Variants in EFR3A observed in about 807,000 individuals in gnomAD.
EFR3A encodes the protein EFR3 homolog A, also known as protein EFR3 homolog A.
A neutral mutation model predicts 104.4 loss-of-function variants in EFR3A; 76 were observed. The ratio of observed to expected loss-of-function variants is 0.73; its 90% CI spans 0.60 to 0.88. EFR3A has a LOEUF of 0.88. EFR3A is among the 40% of genes least tolerant of loss of function. The probability of loss-of-function intolerance (pLI) is 0.00; values close to 1 mark genes in which losing one functional copy is unlikely to be tolerated. For synonymous variants in EFR3A, 330 were observed against 330.0 expected (o/e 1.00, Z 0.00); for missense variants, 985 against 1,012.5 (o/e 0.97, Z 0.37).
intron 1 of EFR3A, among the ~76,000 whole-genome samples, chr8:131,928,052 G>T (rs1342458711): frequency 1.3e-5 from 2 of 152,052 alleles, no homozygotes; most frequent in South Asian, 2.1e-4. Context: ...ATAATTTTTT[G>T]AATTTTAGTC....
chr8:131,957,822 T>C (rs1462993699), intron 7 of EFR3A, among the ~76,000 whole-genome samples: 1 of 152,230 alleles, frequency 6.6e-6, no homozygotes, highest in African/African-American at 2.4e-5. Context: ...TTGAATATCA[T>C]ATTTTTAATC....
intron 7 of EFR3A, among the ~76,000 whole-genome samples, chr8:131,957,293 G>A (rs1213964059): frequency 6.6e-6 from 1 of 151,216 alleles, no homozygotes; most frequent in African/African-American, 2.4e-5. Context: ...AACAAAAAGT[G>A]CTCTAGCAGA....
intron 1 of EFR3A, among the ~76,000 whole-genome samples, chr8:131,935,093 G>A (rs1817807750): frequency 6.6e-6 from 1 of 152,042 alleles, no homozygotes. Context: ...TTGATTACTG[G>A]TGGACTCTGC....
At chr8:131,954,979 T>G (rs1182228906) in intron 6 of EFR3A, among the ~76,000 whole-genome samples, 1 of 152,132 alleles carries the variant, frequency 6.6e-6, no homozygotes, top group African/African-American at 2.4e-5. Context: ...TGGGAACCTT[T>G]CCTAAAATGT....
At chr8:131,970,759 C>T (rs1820008517) in intron 10 of EFR3A, 116 bp downstream of exon 10, 2 of 1,067,578 alleles carry the variant, frequency 1.9e-6, no homozygotes, top group Admixed American at 5.5e-5. Context: ...GCTTAAATTT[C>T]TGAAAATTTA....
chr8:131,987,689 A>G lies in EFR3A; in HGVS notation c.2052A>G (p.Val684=), dbSNP rs2270875. 193,654 of 1,590,118 alleles carry G rather than the reference A, an allele frequency of 0.12. 13,056 individuals are homozygous for G. The highest frequency in any genetic ancestry group is 0.21 in the South Asian group (17,994 of 87,222). ...TTGAGAGATTGTCAGTTCCGTATGT[A>G]CCACAAGTAACAGGTAAGAGGAGGA... ...YSVERLSVPY[V]PQVTDEDRLS... is the part of the protein sequence containing the mutation. The change falls in exon 18 of 23, where the codon GTA becomes GTG. Residue 684 remains valine (V), a synonymous_variant. Coordinates refer to ENST00000254624, the MANE Select transcript of EFR3A (RefSeq NM_015137.6).
rs542265626 is a variant in EFR3A at position 132,010,724 on chromosome 8, G to C, written c.2361-66G>C. ...CTTTGATATTCGCAGATAGTAGATA[G>C]AATACTCGGTGAAATGAACAGCTTG... On this transcript the variant is annotated intron_variant, in intron 22 of 22. Transcript: ENST00000254624. 9.0e-6 allele frequency: 14 copies of C among 1,553,760 alleles called. 1 individual carries two copies. The South Asian group carries it at 1.5e-4, about 17-fold the overall frequency.
chr8:131,914,733 A>G (rs1217569658), intron 1 of EFR3A, among the ~76,000 whole-genome samples: 1 of 151,894 alleles, frequency 6.6e-6, no homozygotes, highest in Non-Finnish European at 1.5e-5. Flanking sequence ...GTACTATTGT[A>G]TTGTTGTAAT....
chr8:131,984,279 T>G lies in EFR3A; in HGVS notation c.1716T>G (p.Ile572Met). ...LANEEVVIDL[I>M]RLAIALQDSA... ...ATGAAGAAGTAGTTATTGATCTCAT[T>G]CGACTGGCCATTGCTTTACAGGTAT... The change falls in exon 15 of 23, where the codon ATT (isoleucine) becomes ATG (methionine). Residue 572 changes from isoleucine to methionine, a missense_variant. By Grantham distance (10) the Ile-to-Met change is conservative. Coordinates refer to ENST00000254624, the MANE Select transcript of EFR3A (RefSeq NM_015137.6). 6.2e-7 allele frequency: 1 copy of G among 1,603,454 alleles called. No homozygotes were observed. Among genetic ancestry groups the G allele is most frequent in the Non-Finnish European group, 8.5e-7 (1 of 1,175,366 alleles).
At chr8:132,008,846 CAAAAAAA>C (rs55964352) in intron 22 of EFR3A, among the ~76,000 whole-genome samples, 2,672 of 31,974 alleles carry the variant, frequency 0.084, 61 homozygotes, top group East Asian at 0.34. Context: ...AACTCCATCT[CAAAAAAA>C]AAAAAAAAAA....
chr8:131,935,313 T>C (rs1161327779), intron 1 of EFR3A, among the ~76,000 whole-genome samples: 1 of 152,182 alleles, frequency 6.6e-6, no homozygotes, highest in Non-Finnish European at 1.5e-5. Flanking sequence ...TTTATAAATG[T>C]CTGCTTTATG....
intron 1 of EFR3A, among the ~76,000 whole-genome samples, chr8:131,915,278 CTG>C (rs1816694921): frequency 6.6e-6 from 1 of 152,128 alleles, no homozygotes; most frequent in Non-Finnish European, 1.5e-5. Flanking sequence ...AAAATAAAAA[CTG>C]TTTAGTTGAT....
intron 8 of EFR3A, among the ~76,000 whole-genome samples, chr8:131,962,991 G>A (rs1248704145): frequency 6.7e-6 from 1 of 150,130 alleles, no homozygotes; most frequent in Admixed American, 6.7e-5. Flanking sequence ...ACGAAATGAA[G>A]GCAGAAATGA....
At chr8:131,952,427 A>G (rs918700253) in intron 5 of EFR3A, among the ~76,000 whole-genome samples, 1 of 152,162 alleles carries the variant, frequency 6.6e-6, no homozygotes, top group African/African-American at 2.4e-5. Context: ...AGCTATTGGT[A>G]GTTACCACCA....
chr8:131,907,916 G>T (rs993558957), intron 1 of EFR3A, among the ~76,000 whole-genome samples: 1 of 151,450 alleles, frequency 6.6e-6, no homozygotes, highest in Non-Finnish European at 1.5e-5. Context: ...TTTTTGCAGT[G>T]ACCTTTGGCT....
intron 1 of EFR3A, among the ~76,000 whole-genome samples, chr8:131,932,641 A>T (rs893128846): frequency 6.6e-6 from 1 of 152,134 alleles, no homozygotes; most frequent in African/African-American, 2.4e-5. Context: ...TCTCTAAGAC[A>T]TGGAAGTAAG....
At chr8:131,927,364 T>C (rs1008384806) in intron 1 of EFR3A, among the ~76,000 whole-genome samples, 9 of 152,232 alleles carry the variant, frequency 5.9e-5, no homozygotes, top group Admixed American at 2.0e-4. Context: ...ATCCAAGCTA[T>C]CAGATTATTA....
chr8:131,960,253 G>A (rs1819237899), intron 8 of EFR3A, among the ~76,000 whole-genome samples: 1 of 152,142 alleles, frequency 6.6e-6, no homozygotes, highest in African/African-American at 2.4e-5. Context: ...AGTTTCAACT[G>A]TGCAGGTCCA....
Position 131,946,564 on chromosome 8 carries a change from C to CT in EFR3A, c.300dup (p.Leu101SerfsTer30), listed in dbSNP as rs1258479511. 6.2e-7 allele frequency: 1 copy of CT among 1,607,816 alleles called. No homozygotes were observed. Among genetic ancestry groups the CT allele is most frequent in the Non-Finnish European group, 8.5e-7 (1 of 1,177,054 alleles). The stretch of plus-strand genomic sequence containing the variant: ...AAAGCATTAAGCCATTTGTAGAAAG[C>CT]TTTCTTCATATGGTGGCAAAGCTGC... On this transcript the variant is annotated frameshift_variant, in exon 4 of 23. Coordinates refer to ENST00000254624, the MANE Select transcript of EFR3A (RefSeq NM_015137.6). LOFTEE classifies it high-confidence loss of function.
Sources: allele counts gnomAD v4.1 joint callset (sites outside exome capture counted in the v4.1 genomes callset), GRCh38; gene constraint gnomAD v4.1.1; transcripts MANE v1.5; gene names NCBI Gene and HGNC (gene_info 2026-07-23, HGNC 2026-07-21).